COA6: variants seen among roughly 807,000 people sequenced by gnomAD.
The protein encoded by COA6 is cytochrome c oxidase assembly factor 6, also known as cytochrome c oxidase assembly factor 6 homolog.
Under a neutral mutation model 17.1 loss-of-function variants are expected in COA6, and 12 were observed. The ratio of observed to expected loss-of-function variants is 0.70; its 90% CI spans 0.45 to 1.14. COA6 has a LOEUF of 1.14. Ranked by LOEUF, COA6 falls within the 50% of genes most tolerant of loss-of-function variation. COA6 has a pLI of 0.00. For synonymous variants in COA6, 90 were observed against 73.4 expected (o/e 1.23, Z -1.16); for missense variants, 246 against 196.5 (o/e 1.25, Z -1.51).
At chr1:234,381,156 TAAA>T (rs963515609) in intron 2 of COA6, among the ~76,000 whole-genome samples, 1 of 152,234 alleles carries the variant, frequency 6.6e-6, no homozygotes, top group Non-Finnish European at 1.5e-5. Flanking sequence ...CTTTTTTCTA[TAAA>T]ACTTTGAAAT....
intron 2 of COA6, among the ~76,000 whole-genome samples, chr1:234,375,133 C>CAAAAAAAA: frequency 7.8e-6 from 1 of 128,440 alleles, no homozygotes; most frequent in Middle Eastern, 3.8e-3. Context: ...ACTAAAAATA[C>CAAAAAAAA]AAAAAAAAAA....
intron 1 of COA6, chr1:234,373,982 C>T: frequency 1.8e-6 from 2 of 1,120,848 alleles, no homozygotes; most frequent in Non-Finnish European, 1.2e-6. Flanking sequence ...CCCACGCTGC[C>T]GCCCCAGCAG....
rs777725690 is a variant in COA6 at position 234,373,627 on chromosome 1, C to G, written c.161C>G (p.Thr54Arg). 6.2e-7 allele frequency: 1 copy of G among 1,613,090 alleles called. No homozygotes were observed. Among genetic ancestry groups the G allele is most frequent in the Non-Finnish European group, 8.5e-7 (1 of 1,179,662 alleles). ...ALHRRLVACV[T>R]VSSRRHRKEA... ...CACCGCCGGTTGGTGGCCTGCGTGA[C>G]AGTTTCCTCCCGTCGACATCGAAAG... is the stretch of plus-strand genomic sequence containing the variant. Residue 54 changes from threonine (T) to arginine (R), a missense_variant, in exon 1 of 3, where the codon ACA (threonine) becomes AGA (arginine). Thr to Arg is a moderately conservative substitution (Grantham distance 71, BLOSUM62 -1). Coordinates refer to ENST00000366615, the MANE Select transcript of COA6 (RefSeq NM_001206641.3).
At position 234,383,750 on chromosome 1, in the gene COA6, T is replaced by G. The variant is rs777438570; in HGVS notation, c.400T>G (p.Tyr134Asp). 6.6e-7 allele frequency: 1 copy of G among 1,511,444 alleles called. No homozygotes were observed. The highest frequency in any genetic ancestry group is 9.2e-7 in the Non-Finnish European group (1 of 1,091,648). The allele number at this position is 1,511,444 out of a possible 1,614,324, so 93.6% of individuals were successfully genotyped here. A position where few individuals can be genotyped will look rare whatever the true frequency, so the allele number is the denominator to read the frequency against. ...AAAATATTTTGATAAAAGAAGAGAC[T>G]ACTTAAAATTCAAAGAAAAATTTGA... ...WIKYFDKRRD[Y>D]LKFKEKFEAG... Residue 134 changes from tyrosine to aspartate, a missense_variant, in exon 3 of 3, where the codon TAC (tyrosine) becomes GAC (aspartate). By Grantham distance (160) the Tyr-to-Asp change is radical (BLOSUM62 -3). Transcript: ENST00000366615.
At position 234,373,662 on chromosome 1, in the gene COA6, C is replaced by T; in HGVS notation, c.196C>T (p.Arg66Cys). The T allele has an allele frequency of 1.2e-6, 2 of 1,612,836 alleles. No individual in the cohort carries two copies. Among genetic ancestry groups the T allele is most frequent in the Non-Finnish European group, 1.7e-6 (2 of 1,179,152 alleles). ...SSRRHRKEAGRGRAESFIAVG... is the reference protein window; with the variant it reads ...SSRRHRKEAGCGRAESFIAVG... The stretch of plus-strand genomic sequence containing the variant: ...CCGTCGACATCGAAAGGAAGCCGGA[C>T]GTGGGCGGGCAGAGAGGTCGGCTTG... Residue 66 changes from arginine (R) to cysteine (C), a missense_variant, in exon 1 of 3, where the codon CGT (arginine) becomes TGT (cysteine). Arg to Cys is a radical substitution (Grantham distance 180). Coordinates refer to ENST00000366615, the MANE Select transcript of COA6 (RefSeq NM_001206641.3).
rs1658705045 is a variant in COA6, at chr1:234,374,032, G to A, written c.213-198G>A. ...AGTGTGAGATAAGCCTCAAGAGCGG[G>A]TGGCCTTATGCTGCCACTGAGAACT... On this transcript the variant is annotated intron_variant, in intron 1 of 2. Coordinates refer to ENST00000366615, the MANE Select transcript of COA6 (RefSeq NM_001206641.3). 21 of 897,574 alleles carry A rather than the reference G, an allele frequency of 2.3e-5. No individual in the cohort carries two copies. In the South Asian group the frequency reaches 3.8e-4, roughly 16 times the overall value. 55.6% of individuals were successfully genotyped at this position (897,574 alleles called of 1,614,324 possible).
rs1466391355 is a variant in COA6, at chr1:234,373,583, G to A, written c.117G>A (p.Arg39=). The part of the protein sequence containing the change: ...LEPAGRPCSG[R]TRHRALHRRL... ...CAGCGGGGCGACCCTGCAGTGGCAG[G>A]ACTCGGCACCGCGCCCTCCACCGCC... The change falls in exon 1 of 3, where the codon AGG becomes AGA. Residue 39 remains arginine (R), a synonymous_variant. Transcript: ENST00000366615. 7.4e-6 allele frequency: 12 copies of A among 1,612,240 alleles called. No individual in the cohort carries two copies. The highest frequency in any genetic ancestry group is 2.5e-6 in the Non-Finnish European group (3 of 1,179,468).
intron 2 of COA6, among the ~76,000 whole-genome samples, chr1:234,378,168 T>A (rs1558125259): frequency 6.6e-6 from 1 of 152,198 alleles, no homozygotes; most frequent in African/African-American, 2.4e-5. Flanking sequence ...CCCATTTTAA[T>A]GGAATGATAG....
intron 2 of COA6, 61 bp downstream of exon 2, chr1:234,374,450 G>A: frequency 6.5e-7 from 1 of 1,549,990 alleles, no homozygotes; most frequent in Non-Finnish European, 8.8e-7. Flanking sequence ...TATACTGTGA[G>A]TGGTAGGCTG....
At chr1:234,383,386 G>T (rs546847044) in intron 2 of COA6, among the ~76,000 whole-genome samples, 19 of 147,720 alleles carry the variant, frequency 1.3e-4, no homozygotes, top group African/African-American at 3.7e-4. Flanking sequence ...GCCTGTTGTG[G>T]GGTGGGGGGA....
intron 2 of COA6, among the ~76,000 whole-genome samples, chr1:234,375,169 C>T (rs1658757224): frequency 6.6e-6 from 1 of 150,700 alleles, no homozygotes; most frequent in South Asian, 2.1e-4. Flanking sequence ...GGCATGGTGG[C>T]ACATGCCTCT....
chr1:234,375,342 C>G (rs1414431865), intron 2 of COA6, among the ~76,000 whole-genome samples: 4 of 152,138 alleles, frequency 2.6e-5, no homozygotes, highest in Non-Finnish European at 2.9e-5. Context: ...AAGCTCAGAG[C>G]ATTGAAGTAA....
chr1:234,375,051 A>T (rs886236900), intron 2 of COA6, among the ~76,000 whole-genome samples: 2 of 150,872 alleles, frequency 1.3e-5, no homozygotes, highest in African/African-American at 4.9e-5. Flanking sequence ...GCACTTTGGG[A>T]GGCTGAGGCG....
At position 234,382,655 on chromosome 1, in the gene COA6, T is replaced by C. The variant is rs535869601; in HGVS notation, c.373-1068T>C. Among the ~76,000 whole-genome samples the C allele has an allele frequency of 1.2e-4, 18 of 152,304 alleles. 1 individual carries two copies. The South Asian group carries it at 3.7e-3, about 32-fold the overall frequency. On this transcript the variant is annotated intron_variant, in intron 2 of 2. Transcript: ENST00000366615. ...TTAAGAATTAAATCCAAAGAAAGGC[T>C]TTTAACAAAAGAACTAGTGTTTTCT...
chr1:234,373,483 G>C lies in COA6; in HGVS notation c.17G>C (p.Gly6Ala), dbSNP rs1333469110. The C allele has an allele frequency of 1.9e-6, 3 of 1,570,206 alleles. No homozygotes were observed. Among genetic ancestry groups the C allele is most frequent in the East Asian group, 2.3e-5 (1 of 42,780 alleles). Residue 6 changes from glycine (G) to alanine (A), a missense_variant, in exon 1 of 3, where the codon GGT becomes GCT. Transcript: ENST00000366615. ...GGAAAGTAAATGGTAGCTCGGAAGGGTCAAAAGAGTCCGCGGTTTCGCCGC... is the reference window on the plus strand; with the variant it reads ...GGAAAGTAAATGGTAGCTCGGAAGGCTCAAAAGAGTCCGCGGTTTCGCCGC... The part of the protein sequence containing the change: MVARK[G>A]QKSPRFRRVS...
chr1:234,373,530 G>A lies in COA6; in HGVS notation c.64G>A (p.Gly22Arg), dbSNP rs768608083. ...CCGCGTGAGTTGCTTTTTGCGGCTGGGGAGGTCTACGCTTCTAGAGCTTGA... is the reference window on the plus strand; with the variant it reads ...CCGCGTGAGTTGCTTTTTGCGGCTGAGGAGGTCTACGCTTCTAGAGCTTGA... The part of the protein sequence containing the change: ...FRRVSCFLRL[G>R]RSTLLELEPA... The change falls in exon 1 of 3, where the codon GGG becomes AGG. Residue 22 changes from glycine (G) to arginine (R), a missense_variant. Transcript: ENST00000366615. 3 of 1,609,200 alleles carry A rather than the reference G, an allele frequency of 1.9e-6. No individual in the cohort carries two copies. The highest frequency in any genetic ancestry group is 2.2e-5 in the South Asian group (2 of 90,890).
Position 234,383,766 on chromosome 1 carries a change from A to G in COA6, c.416A>G (p.Glu139Gly). Residue 139 changes from glutamate to glycine, a missense_variant, in exon 3 of 3, where the codon GAA becomes GGA. By Grantham distance (98) the Glu-to-Gly change is moderately conservative (BLOSUM62 -2). Coordinates refer to ENST00000366615, the MANE Select transcript of COA6 (RefSeq NM_001206641.3). The part of the protein sequence containing the change: ...DKRRDYLKFK[E>G]KFEAGQFEPS... ...AGAAGAGACTACTTAAAATTCAAAG[A>G]AAAATTTGAAGCAGGACAATTTGAG... The G allele has an allele frequency of 1.3e-6, 2 of 1,571,220 alleles. No homozygotes were observed. Among genetic ancestry groups the G allele is most frequent in the Non-Finnish European group, 1.7e-6 (2 of 1,144,802 alleles).
At chr1:234,377,018 CTCA>C (rs1658818225) in intron 2 of COA6, among the ~76,000 whole-genome samples, 1 of 151,242 alleles carries the variant, frequency 6.6e-6, no homozygotes, top group Non-Finnish European at 1.5e-5. Flanking sequence ...GATGAGGGCC[CTCA>C]TCCTGGCTTG....
intron 2 of COA6, among the ~76,000 whole-genome samples, chr1:234,376,161 A>G (rs78948714): frequency 0.014 from 2,081 of 152,290 alleles, 37 homozygotes; most frequent in African/African-American, 0.047. Flanking sequence ...CATTGAGAGG[A>G]ACTCCAGGTT....
Sources: allele counts gnomAD v4.1 joint callset (sites outside exome capture counted in the v4.1 genomes callset), GRCh38; gene constraint gnomAD v4.1.1; transcripts MANE v1.5; gene names NCBI Gene and HGNC (gene_info 2026-07-23, HGNC 2026-07-21).